The following KCNN2 variants were observed in gnomAD, a reference collection of about 807,000 sequenced individuals.
KCNN2 encodes the protein potassium calcium-activated channel subfamily N member 2.
In KCNN2, 24 loss-of-function variants were observed where a neutral mutation model predicts 55.5. The ratio of observed to expected loss-of-function variants is 0.43; its 90% CI spans 0.31 to 0.61. KCNN2 has a LOEUF of 0.61. KCNN2 is among the 20% of genes least tolerant of loss of function. The pLI is 0.08. For synonymous variants in KCNN2, 431 were observed against 336.1 expected (o/e 1.28, Z -3.09); for missense variants, 754 against 853.6 (o/e 0.88, Z 1.45).
intron 2 of KCNN2, among the ~76,000 whole-genome samples, chr5:114,349,272 T>C (rs1455012919): frequency 6.6e-6 from 1 of 152,100 alleles, no homozygotes; most frequent in Non-Finnish European, 1.5e-5. Flanking sequence ...ATTGTAAGGA[T>C]ATACAGGTTG....
chr5:114,257,282 C>G (rs190828364), intron 2 of KCNN2, among the ~76,000 whole-genome samples: 342 of 152,202 alleles, frequency 2.2e-3, no homozygotes, highest in African/African-American at 7.8e-3. Flanking sequence ...AATTTGAAGT[C>G]AGGTAATATG....
intron 1 of KCNN2, among the ~76,000 whole-genome samples, chr5:114,091,808 A>G (rs549458220): frequency 1.3e-5 from 2 of 152,232 alleles, no homozygotes; most frequent in South Asian, 4.2e-4. Context: ...AACTCACTAT[A>G]ATGAGAACAG....
At chr5:114,422,911 T>C (rs938265028) in intron 3 of KCNN2, among the ~76,000 whole-genome samples, 2 of 152,214 alleles carry the variant, frequency 1.3e-5, no homozygotes, top group African/African-American at 2.4e-5. Context: ...TTATCAGCCT[T>C]GGGGCTATTC....
chr5:114,423,547 G>C (rs1759531411), intron 3 of KCNN2, among the ~76,000 whole-genome samples: 1 of 152,066 alleles, frequency 6.6e-6, no homozygotes, highest in African/African-American at 2.4e-5. Flanking sequence ...CCTGCAAACA[G>C]GTCCAGGGGC....
In KCNN2 at chr5:114,210,720, C is replaced by T. The variant is rs565203822; in HGVS notation, c.-270-10760C>T. 3.2e-4 allele frequency among the ~76,000 whole-genome samples: 49 copies of T among 152,144 alleles called. 1 individual carries two copies. The South Asian group carries it at 6.0e-3, about 19-fold the overall frequency. ...CAAGCCAAATTGTAGTTATTAACGA[C>T]GATAGGAAGCACAAAGAGGTGAATA... On this transcript the variant is annotated intron_variant, in intron 1 of 10. Coordinates refer to the KCNN2 transcript ENST00000512097.
intron 1 of KCNN2, among the ~76,000 whole-genome samples, chr5:114,061,150 T>A (rs1422148634): frequency 6.6e-6 from 1 of 152,226 alleles, no homozygotes; most frequent in African/African-American, 2.4e-5. Context: ...GGGGATGCAG[T>A]GATGACTAAG....
At chr5:114,277,665 G>T (rs577050890) in intron 2 of KCNN2, among the ~76,000 whole-genome samples, 6 of 152,050 alleles carry the variant, frequency 3.9e-5, no homozygotes, top group South Asian at 2.1e-4. Flanking sequence ...CAAAGTTCTC[G>T]TACTGTGGTT....
intron 1 of KCNN2, among the ~76,000 whole-genome samples, chr5:114,149,273 G>A (rs1323344635): frequency 2.6e-5 from 4 of 152,072 alleles, no homozygotes; most frequent in Non-Finnish European, 4.4e-5. Flanking sequence ...CCTTATCGTC[G>A]AGACCGAAGA....
At chr5:114,100,739 A>G (rs976195269) in intron 1 of KCNN2, among the ~76,000 whole-genome samples, 1 of 152,150 alleles carries the variant, frequency 6.6e-6, no homozygotes, top group Non-Finnish European at 1.5e-5. Context: ...ATTCCGGGTC[A>G]GAGGAGAAGT....
intron 3 of KCNN2, among the ~76,000 whole-genome samples, chr5:114,437,441 G>A (rs940215891): frequency 3.3e-5 from 5 of 152,194 alleles, no homozygotes; most frequent in Middle Eastern, 3.4e-3. Context: ...TAATCTAGTA[G>A]GGGAAAAAGC....
At chr5:114,410,429 G>A (rs76950367) in intron 3 of KCNN2, among the ~76,000 whole-genome samples, 6,532 of 152,202 alleles carry the variant, frequency 0.043, 159 homozygotes, top group South Asian at 0.062. Context: ...CACTGTAAGA[G>A]TTCTCAGAGC....
At chr5:114,165,661 C>T (rs1056342762) in intron 1 of KCNN2, among the ~76,000 whole-genome samples, 22 of 152,104 alleles carry the variant, frequency 1.4e-4, no homozygotes, top group African/African-American at 4.8e-4. Context: ...GTTGCAATTC[C>T]GGGTTTGCAA....
intron 2 of KCNN2, among the ~76,000 whole-genome samples, chr5:114,377,972 G>A (rs925839098): frequency 2.6e-5 from 4 of 152,136 alleles, no homozygotes; most frequent in African/African-American, 7.2e-5. Context: ...TCACAAGGAA[G>A]CAGAGCCTAG....
chr5:114,292,601 A>G (rs1755918083), intron 2 of KCNN2, among the ~76,000 whole-genome samples: 1 of 152,120 alleles, frequency 6.6e-6, no homozygotes, highest in African/African-American at 2.4e-5. Flanking sequence ...GTAGCCTTGT[A>G]GTATAGTTTG....
intron 2 of KCNN2, among the ~76,000 whole-genome samples, chr5:114,255,243 C>T (rs532751353): frequency 2.0e-5 from 3 of 152,088 alleles, no homozygotes; most frequent in African/African-American, 4.8e-5. Context: ...AAATCTTACA[C>T]GTGCATTGTA....
intron 1 of KCNN2, among the ~76,000 whole-genome samples, chr5:114,057,368 G>C (rs1750233322): frequency 6.6e-6 from 1 of 152,110 alleles, no homozygotes; most frequent in Non-Finnish European, 1.5e-5. Flanking sequence ...TTTACAGATG[G>C]GGTAACTCAG....
chr5:114,386,307 C>G (rs905803320), intron 2 of KCNN2, among the ~76,000 whole-genome samples: 1 of 151,856 alleles, frequency 6.6e-6, no homozygotes, highest in Admixed American at 6.6e-5. Context: ...AGATTTTTCT[C>G]CCCTTGTATT....
At chr5:114,239,512 C>T (rs1754576204) in intron 2 of KCNN2, among the ~76,000 whole-genome samples, 1 of 151,880 alleles carries the variant, frequency 6.6e-6, no homozygotes, top group East Asian at 1.9e-4. Flanking sequence ...TGGGGCAAAG[C>T]AGATTTAGGG....
At chr5:114,413,391 T>G (rs908356795) in intron 3 of KCNN2, among the ~76,000 whole-genome samples, 4 of 152,176 alleles carry the variant, frequency 2.6e-5, no homozygotes, top group Admixed American at 2.6e-4. Context: ...TTCAAGCGAT[T>G]CTCCTGCCTC....
Sources: allele counts gnomAD v4.1 joint callset (sites outside exome capture counted in the v4.1 genomes callset), GRCh38; gene constraint gnomAD v4.1.1; transcripts MANE v1.5; gene names NCBI Gene and HGNC (gene_info 2026-07-23, HGNC 2026-07-21).